The following CUBN variants were observed in gnomAD, a reference collection of about 807,000 sequenced individuals.
CUBN encodes the protein cubilin.
Under a neutral mutation model 405.3 loss-of-function variants are expected in CUBN, and 282 were observed. That is an observed-to-expected ratio of 0.70 (90% CI 0.63 to 0.77). The LOEUF (loss-of-function observed/expected upper bound fraction) is 0.77, where lower values mean the gene tolerates loss of function less well. Among genes scored for constraint, CUBN ranks in the 30% least tolerant of loss-of-function variants. The pLI is 0.00. For synonymous variants in CUBN, 1,684 were observed against 1,617.0 expected (o/e 1.04, Z -0.99); for missense variants, 4,514 against 4,475.2 (o/e 1.01, Z -0.25).
intron 51 of CUBN, among the ~76,000 whole-genome samples, chr10:16,902,100 TAC>T (rs1373740187): frequency 6.3e-4 from 85 of 134,534 alleles, no homozygotes; most frequent in South Asian, 2.9e-3. Context: ...TATATATATA[TAC>T]ACACACACAC....
intron 54 of CUBN, among the ~76,000 whole-genome samples, chr10:16,890,912 A>G (rs551660656): frequency 6.6e-6 from 1 of 152,296 alleles, no homozygotes; most frequent in Admixed American, 6.5e-5. Flanking sequence ...AAGATAGCAG[A>G]TTGTGGTCAC....
At chr10:16,836,786 G>A (rs1045396493) in intron 62 of CUBN, among the ~76,000 whole-genome samples, 2 of 152,126 alleles carry the variant, frequency 1.3e-5, no homozygotes. Flanking sequence ...CCCTGATCCA[G>A]CCCTTGCTAC....
At chr10:16,979,640 T>C (rs1030769188) in intron 31 of CUBN, among the ~76,000 whole-genome samples, 1 of 152,232 alleles carries the variant, frequency 6.6e-6, no homozygotes, top group African/African-American at 2.4e-5. Flanking sequence ...GCTAGCCATA[T>C]GCAGAAAACT....
chr10:16,877,802 G>A (rs1157759064), intron 56 of CUBN, among the ~76,000 whole-genome samples: 2 of 152,078 alleles, frequency 1.3e-5, no homozygotes, highest in African/African-American at 4.8e-5. Context: ...AAATAAACAA[G>A]AAATTAAAAA....
chr10:16,933,316 GC>G (rs1448537270), intron 39 of CUBN, 32 bp from the exon 40 acceptor site: 2 of 1,598,306 alleles, frequency 1.3e-6, no homozygotes, highest in Admixed American at 3.3e-5. Flanking sequence ...CTTTGACACA[GC>G]CCTAATGGAA....
intron 52 of CUBN, 53 bp downstream of exon 52, chr10:16,901,285 G>T: frequency 8.1e-6 from 13 of 1,612,826 alleles, no homozygotes; most frequent in Non-Finnish European, 1.1e-5. Flanking sequence ...TGCAGGACAG[G>T]CTATTGTGGT....
Position 17,115,606 on chromosome 10 carries a change from T to C in CUBN, c.594-9A>G, listed in dbSNP as rs750408001. 29 of 1,614,042 alleles carry C rather than the reference T, an allele frequency of 1.8e-5. No individual in the cohort carries two copies. Among genetic ancestry groups the C allele is most frequent in the Non-Finnish European group, 2.3e-5 (27 of 1,180,010 alleles). On this transcript the variant is annotated splice_polypyrimidine_tract_variant and intron_variant, in intron 6 of 66. Coordinates refer to ENST00000377833, the MANE Select transcript of CUBN (RefSeq NM_001081.4). Reference sequence around the variant, plus strand: ...CAGGTGGGCAGTGACAACTGTTGGTTACACAAGAGCACAATGTCAGGGCAC... The same window carrying C: ...CAGGTGGGCAGTGACAACTGTTGGTCACACAAGAGCACAATGTCAGGGCAC...
At chr10:16,943,455 G>A (rs1842709483) in intron 36 of CUBN, among the ~76,000 whole-genome samples, 2 of 152,038 alleles carry the variant, frequency 1.3e-5, no homozygotes, top group Admixed American at 1.3e-4. Flanking sequence ...ATTTTGCAAG[G>A]AATTGGTCTA....
chr10:16,853,642 G>C (rs1006251446), intron 59 of CUBN, among the ~76,000 whole-genome samples: 2 of 152,216 alleles, frequency 1.3e-5, no homozygotes, highest in Non-Finnish European at 2.9e-5. Flanking sequence ...CAAAGGCCCA[G>C]TCCCTGATAT....
chr10:17,089,726 C>T (rs1836209633), intron 14 of CUBN, among the ~76,000 whole-genome samples: 1 of 152,124 alleles, frequency 6.6e-6, no homozygotes, highest in Non-Finnish European at 1.5e-5. Context: ...TTCTTTTGAC[C>T]AAACAATACT....
intron 2 of CUBN, 144 bp downstream of exon 2, chr10:17,128,977 C>T (rs1217664165): frequency 1.3e-5 from 8 of 631,298 alleles, no homozygotes; most frequent in Non-Finnish European, 2.1e-5. Context: ...TTGAACTTTA[C>T]ACATTATAGG....
intron 48 of CUBN, among the ~76,000 whole-genome samples, chr10:16,912,589 C>T (rs562504763): frequency 8.7e-4 from 132 of 152,236 alleles, no homozygotes; most frequent in South Asian, 4.2e-3. Context: ...AAAAGGCATT[C>T]GAGCAGAGAC....
chr10:17,044,371 CTT>C, intron 25 of CUBN, among the ~76,000 whole-genome samples: 1 of 149,550 alleles, frequency 6.7e-6, no homozygotes, highest in Admixed American at 6.7e-5. Context: ...ATAAAATAAC[CTT>C]ATAAATTATA....
intron 17 of CUBN, among the ~76,000 whole-genome samples, 183 bp from the exon 18 acceptor site, chr10:17,072,154 T>C (rs1315446754): frequency 6.6e-6 from 1 of 152,140 alleles, no homozygotes; most frequent in African/African-American, 2.4e-5. Context: ...TAACATGAAA[T>C]GCTGATAAAA....
chr10:17,026,923 T>G (rs571925401), intron 27 of CUBN, among the ~76,000 whole-genome samples: 1 of 152,268 alleles, frequency 6.6e-6, no homozygotes, highest in South Asian at 2.1e-4. Flanking sequence ...GCAGGAAATA[T>G]GAAATATCAT....
In CUBN at chr10:17,127,912, T is replaced by G. The variant is rs755860454; in HGVS notation, c.265A>C (p.Lys89Gln). ...CCTTTTAACTCTATAATATCTTCTT[T>G]GTTTTTCTGGATCTAATTTTAGAAA... ...SECLHQIQKNKEDIIELKGSA... is the reference protein window; with the variant it reads ...SECLHQIQKNQEDIIELKGSA... Residue 89 changes from lysine (K) to glutamine (Q), a missense_variant, in exon 3 of 67, where the codon AAA becomes CAA. By Grantham distance (53) the Lys-to-Gln change is moderately conservative (BLOSUM62 1). Transcript: ENST00000377833. 1.9e-6 allele frequency: 3 copies of G among 1,602,520 alleles called. No individual in the cohort carries two copies. The highest frequency in any genetic ancestry group is 2.7e-5 in the African/African-American group (2 of 74,690).
intron 15 of CUBN, among the ~76,000 whole-genome samples, chr10:17,087,633 G>A (rs1005557296): frequency 1.3e-5 from 2 of 151,400 alleles, no homozygotes; most frequent in African/African-American, 2.4e-5. Flanking sequence ...CCGCCACCTC[G>A]CCCAGCTAGT....
At chr10:16,898,066 G>GTATGTATATATA (rs982879441) in intron 54 of CUBN, among the ~76,000 whole-genome samples, 5 of 145,032 alleles carry the variant, frequency 3.4e-5, no homozygotes, top group African/African-American at 1.3e-4. Context: ...TTTATTATAT[G>GTATGTATATATA]TATATATATA....
chr10:16,981,107 C>T (rs987894411), intron 31 of CUBN, among the ~76,000 whole-genome samples: 2 of 151,260 alleles, frequency 1.3e-5, no homozygotes, highest in African/African-American at 4.9e-5. Flanking sequence ...GTTTTCCCAC[C>T]CAAATGTTGC....
Sources: gnomAD v4.1 joint callset for allele counts (sites outside exome capture counted in the v4.1 genomes callset) on GRCh38, gnomAD v4.1.1 for gene constraint, MANE v1.5 for transcripts, NCBI Gene and HGNC (gene_info 2026-07-23, HGNC 2026-07-21) for gene names.